NOXRED1: variants seen among roughly 807,000 people sequenced by gnomAD.
NOXRED1 encodes the protein NADP-dependent oxidoreductase domain-containing protein 1.
In NOXRED1, 20 loss-of-function variants were observed where a neutral mutation model predicts 30.4. The observed-to-expected ratio is 0.66, with a 90% CI of 0.46 to 0.96. The LOEUF (loss-of-function observed/expected upper bound fraction) is 0.96, where lower values mean the gene tolerates loss of function less well. Among genes scored for constraint, NOXRED1 ranks in the 40% least tolerant of loss-of-function variants. The pLI is 0.00. For synonymous variants in NOXRED1, 155 were observed against 168.0 expected (o/e 0.92, Z 0.60); for missense variants, 374 against 428.0 (o/e 0.87, Z 1.11).
intron 5 of NOXRED1, among the ~76,000 whole-genome samples, chr14:77,400,258 C>T (rs1301946312): frequency 2.6e-5 from 4 of 152,154 alleles, no homozygotes; most frequent in Non-Finnish European, 5.9e-5. Flanking sequence ...CACGGATCTA[C>T]ATAAAGAAAA....
chr14:77,396,218 T>A (rs1392121706), intron 5 of NOXRED1, among the ~76,000 whole-genome samples: 1 of 151,816 alleles, frequency 6.6e-6, no homozygotes, highest in Non-Finnish European at 1.5e-5. Context: ...ATACATGACA[T>A]TATTATCTAT....
chr14:77,418,425 G>A (rs536819702), intron 1 of NOXRED1, among the ~76,000 whole-genome samples: 17 of 151,572 alleles, frequency 1.1e-4, no homozygotes, highest in African/African-American at 3.1e-4. Flanking sequence ...GTAAGCCACC[G>A]TGCCAAGCCT....
At position 77,421,444 on chromosome 14, in the gene NOXRED1, G is replaced by A. The variant is rs543527938; in HGVS notation, c.155+1291C>T. 2.1e-3 allele frequency among the ~76,000 whole-genome samples: 314 copies of A among 152,170 alleles called. 1 individual carries two copies. The highest frequency in any genetic ancestry group is 3.2e-3 in the Non-Finnish European group (217 of 68,000). On this transcript the variant is annotated intron_variant, in intron 1 of 5. Transcript: ENST00000380835. The stretch of plus-strand genomic sequence containing the variant: ...AGATGTGAGTGCATTCCTTTCCTAC[G>A]ATACACCCACTCTTTCTAGTTTGCT...
At chr14:77,400,819 A>G (rs1894305716) in intron 5 of NOXRED1, among the ~76,000 whole-genome samples, 1 of 152,248 alleles carries the variant, frequency 6.6e-6, no homozygotes, top group Non-Finnish European at 1.5e-5. Flanking sequence ...TTAAAAACAC[A>G]TTACCATTTA....
intron 1 of NOXRED1, among the ~76,000 whole-genome samples, chr14:77,415,738 C>T (rs1196488935): frequency 6.7e-6 from 1 of 148,446 alleles, no homozygotes; most frequent in African/African-American, 2.5e-5. Context: ...TCGAGACAGT[C>T]TCCCTCCATT....
rs559760068 is a variant in NOXRED1 at position 77,399,568 on chromosome 14, A to T, written c.906-4763T>A. Among the ~76,000 whole-genome samples, 3 of 152,334 alleles carry T rather than the reference A, an allele frequency of 2.0e-5. No individual in the cohort carries two copies. The East Asian group carries it at 5.8e-4, about 29-fold the overall frequency. ...CCAAAAATAAATACTACTCATTAAA[A>T]ACACTGTGACAGATATGAAGAATAT... On this transcript the variant is annotated intron_variant, in intron 5 of 5. Transcript: ENST00000380835.
chr14:77,396,104 C>T (rs899695076), intron 5 of NOXRED1, among the ~76,000 whole-genome samples: 1 of 151,744 alleles, frequency 6.6e-6, no homozygotes, highest in African/African-American at 2.4e-5. Context: ...TCTCACCAGT[C>T]TTATACAGAA....
Position 77,407,629 on chromosome 14 carries a change from C to T in NOXRED1, c.366G>A (p.Leu122=). The T allele has an allele frequency of 6.2e-7, 1 of 1,614,014 alleles. No homozygotes were observed. The highest frequency in any genetic ancestry group is 1.1e-5 in the South Asian group (1 of 91,074). The change falls in exon 3 of 6, where the codon CTG becomes CTA. Residue 122 remains leucine (L), a synonymous_variant. Coordinates refer to ENST00000380835, the MANE Select transcript of NOXRED1 (RefSeq NM_001113475.3). ...CGTTATGGTAAAAGCATTTGATTCC[C>T]AGCTTCTGGAGCTCACCTGGGAGGG... is the stretch of plus-strand genomic sequence containing the variant. ...RPETLGELQK[L]GIKCFYHNAD...
chr14:77,414,891 C>T (rs1345093956), intron 1 of NOXRED1, among the ~76,000 whole-genome samples: 1 of 151,730 alleles, frequency 6.6e-6, no homozygotes, highest in Non-Finnish European at 1.5e-5. Flanking sequence ...GGTTAAAAAA[C>T]ACATGCTGGG....
At position 77,394,604 on chromosome 14, in the gene NOXRED1, G is replaced by A. The variant is rs202246577; in HGVS notation, c.*27C>T. ...CTATTATAGGGAAAATCTGTGAGTG[G>A]GAAAAAATCCTGATTCCTGAGTTCT... On this transcript the variant is annotated 3_prime_UTR_variant, in exon 6 of 6. Transcript: ENST00000380835. 1 of 1,583,284 alleles carries A rather than the reference G, an allele frequency of 6.3e-7. No individual in the cohort carries two copies. The highest frequency in any genetic ancestry group is 8.6e-7 in the Non-Finnish European group (1 of 1,156,184).
intron 5 of NOXRED1, among the ~76,000 whole-genome samples, chr14:77,405,130 C>T (rs886617665): frequency 1.3e-5 from 2 of 152,222 alleles, no homozygotes; most frequent in African/African-American, 4.8e-5. Flanking sequence ...CGCACTGGCT[C>T]ACACCTGTAA....
chr14:77,417,302 G>C (rs1894856143), intron 1 of NOXRED1, among the ~76,000 whole-genome samples: 2 of 152,160 alleles, frequency 1.3e-5, no homozygotes, highest in African/African-American at 4.8e-5. Flanking sequence ...TGTCCATTAG[G>C]TTCTAATTGG....
intron 4 of NOXRED1, chr14:77,406,400 G>A (rs138989000): frequency 1.5e-5 from 9 of 593,486 alleles, no homozygotes; most frequent in African/African-American, 9.3e-5. Context: ...TGGAATAGTC[G>A]TTGCTAATAT....
chr14:77,406,621 AC>A (rs1894465888), intron 4 of NOXRED1, 102 bp downstream of exon 4: 1 of 821,684 alleles, frequency 1.2e-6, no homozygotes, highest in Admixed American at 2.4e-5. Flanking sequence ...ACACACACAC[AC>A]ACACACACAC....
rs1895042645 is a variant in NOXRED1, at chr14:77,423,009, C to T, written c.-120G>A. 2.5e-6 allele frequency: 2 copies of T among 784,688 alleles called. No individual in the cohort carries two copies. Among genetic ancestry groups the T allele is most frequent in the Non-Finnish European group, 4.2e-6 (2 of 478,108 alleles). The allele number at this position is 784,688 out of a possible 1,614,324, so 48.6% of individuals were successfully genotyped here. A position where few individuals can be genotyped will look rare whatever the true frequency, so the allele number is the denominator to read the frequency against. On this transcript the variant is annotated 5_prime_UTR_variant, in exon 1 of 6. The change creates a new upstream start codon in the 5' untranslated region. Transcript: ENST00000380835. Reference sequence around the variant, plus strand: ...GGTGTGTGTGCCCAGGTCACAAGCACTCATGATGATGGGCTTCAGCACCTC... The same window carrying T: ...GGTGTGTGTGCCCAGGTCACAAGCATTCATGATGATGGGCTTCAGCACCTC...
intron 2 of NOXRED1, among the ~76,000 whole-genome samples, chr14:77,411,625 G>T (rs7149349): frequency 6.6e-6 from 1 of 152,074 alleles, no homozygotes; most frequent in East Asian, 1.9e-4. Flanking sequence ...TCAGATTGTT[G>T]GTTTCATGGG....
rs1760982700 is a variant in NOXRED1 at position 77,394,501 on chromosome 14, A to C, written c.*130T>G. On this transcript the variant is annotated 3_prime_UTR_variant, in exon 6 of 6. Coordinates refer to ENST00000380835, the MANE Select transcript of NOXRED1 (RefSeq NM_001113475.3). Reference sequence around the variant, plus strand: ...TAAAGAGTCATCAGTACAGTTTTATAATTCCTGATGTCTATCATGTGGCAA... The same window carrying C: ...TAAAGAGTCATCAGTACAGTTTTATCATTCCTGATGTCTATCATGTGGCAA... The C allele has an allele frequency of 6.5e-6, 4 of 616,296 alleles. No homozygotes were observed. Among genetic ancestry groups the C allele is most frequent in the Non-Finnish European group, 1.1e-5 (4 of 355,404 alleles). The allele number at this position is 616,296 out of a possible 1,614,324, so 38.2% of individuals were successfully genotyped here. A position where few individuals can be genotyped will look rare whatever the true frequency, so the allele number is the denominator to read the frequency against.
At chr14:77,403,971 G>A (rs564425166) in intron 5 of NOXRED1, among the ~76,000 whole-genome samples, 12 of 152,252 alleles carry the variant, frequency 7.9e-5, no homozygotes, top group South Asian at 2.1e-4. Context: ...TATCAGGCAC[G>A]TTCAGGGTGG....
chr14:77,406,928 G>A lies in NOXRED1; in HGVS notation c.531-53C>T, dbSNP rs936369162. On this transcript the variant is annotated intron_variant, in intron 3 of 5. Transcript: ENST00000380835. ...CAATGCCAGGACTGGAATAAATGAC[G>A]ACATAACCCACTGTGTTTACATCCA... 26 of 1,520,748 alleles carry A rather than the reference G, an allele frequency of 1.7e-5. No homozygotes were observed. The Admixed American group carries it at 1.9e-4, about 11-fold the overall frequency. 94.2% of individuals were successfully genotyped at this position (1,520,748 alleles called of 1,614,324 possible).
Sources: gnomAD v4.1 joint callset for allele counts (sites outside exome capture counted in the v4.1 genomes callset) on GRCh38, gnomAD v4.1.1 for gene constraint, MANE v1.5 for transcripts, NCBI Gene and HGNC (gene_info 2026-07-23, HGNC 2026-07-21) for gene names.